The following SEC14L1 variants were observed in gnomAD, a reference collection of about 807,000 sequenced individuals.
The protein encoded by SEC14L1 is SEC14 like lipid binding 1.
SEC14L1 carries 48 observed loss-of-function variants against 85.3 expected under a neutral mutation model. The observed-to-expected ratio is 0.56, with a 90% CI of 0.45 to 0.72. The LOEUF (loss-of-function observed/expected upper bound fraction) is 0.72. Ranked by LOEUF, SEC14L1 falls within the 30% of genes least tolerant of loss-of-function variation. SEC14L1 has a pLI of 0.00. For synonymous variants in SEC14L1, 391 were observed against 355.5 expected (o/e 1.10, Z -1.12); for missense variants, 682 against 921.4 (o/e 0.74, Z 3.36).
chr17:77,194,352 C>T lies in SEC14L1; in HGVS notation c.475-325C>T, dbSNP rs117566120. Among the ~76,000 whole-genome samples, 36 of 152,108 alleles carry T rather than the reference C, an allele frequency of 2.4e-4. No individual in the cohort carries two copies. In the East Asian group the frequency reaches 4.3e-3, roughly 18 times the overall value. On this transcript the variant is annotated intron_variant, in intron 6 of 16. Transcript: ENST00000436233. ...GACAGATTGCTCGAGCCCAAGAGTT[C>T]GAGACCAGCCTGGACAACATTGCGA...
At chr17:77,122,913 A>C (rs1236299960) in intron 3 of SEC14L1, among the ~76,000 whole-genome samples, 1 of 140,680 alleles carries the variant, frequency 7.1e-6, no homozygotes, top group Non-Finnish European at 1.5e-5. Context: ...TGAGAATCAC[A>C]CAGCATCCAG....
intron 3 of SEC14L1, chr17:77,098,913 C>A (rs1361567365): frequency 6.6e-6 from 1 of 152,170 alleles, no homozygotes; most frequent in Non-Finnish European, 1.5e-5. Flanking sequence ...TTGCTAGCAA[C>A]AAGACCACAA....
In SEC14L1 at chr17:77,196,330, C is replaced by A. The variant is rs770641880; in HGVS notation, c.819+19C>A. ...GGGCAAAGTGAGTGTCAGCACCACA[C>A]CCAGTGTGCAGGGCCAGAGCTACGT... On this transcript the variant is annotated intron_variant, in intron 8 of 16. Coordinates refer to ENST00000436233, the MANE Select transcript of SEC14L1 (RefSeq NM_001143998.2). 4.8e-6 allele frequency: 7 copies of A among 1,467,892 alleles called. No individual in the cohort carries two copies. In the South Asian group the frequency reaches 8.0e-5, roughly 17 times the overall value. 90.9% of individuals were successfully genotyped at this position (1,467,892 alleles called of 1,614,324 possible).
intron 3 of SEC14L1, among the ~76,000 whole-genome samples, chr17:77,120,752 C>T (rs193047761): frequency 1.3e-5 from 2 of 152,334 alleles, no homozygotes; most frequent in Admixed American, 6.5e-5. Flanking sequence ...GTTAGGATTA[C>T]AGGCGTGAGC....
Position 77,216,766 on chromosome 17 carries a change from A to C in SEC14L1, c.*2743A>C. 1.1e-6 allele frequency: 1 copy of C among 893,602 alleles called. No individual in the cohort carries two copies. Among genetic ancestry groups the C allele is most frequent in the Non-Finnish European group, 1.7e-6 (1 of 596,370 alleles). The allele number at this position is 893,602 out of a possible 1,614,324, so 55.4% of individuals were successfully genotyped here. ...AAAGCACATGACCGCACAAATGCTT[A>C]CAGGGTTTCCTCCCGAGTAATCCAA... On this transcript the variant is annotated 3_prime_UTR_variant, in exon 17 of 17. Transcript: ENST00000436233.
chr17:77,162,400 T>C (rs1974105879), intron 3 of SEC14L1, among the ~76,000 whole-genome samples: 1 of 152,226 alleles, frequency 6.6e-6, no homozygotes, highest in Non-Finnish European at 1.5e-5. Flanking sequence ...GAAGTTGATA[T>C]TGACTGGTAA....
intron 3 of SEC14L1, among the ~76,000 whole-genome samples, chr17:77,130,930 A>C (rs16969682): frequency 0.14 from 21,796 of 152,102 alleles, 1,944 homozygotes; most frequent in East Asian, 0.41. Context: ...TAAAGGCCTC[A>C]TCAAAAGTTC....
Position 77,214,118 on chromosome 17 carries a change from C to T in SEC14L1, c.*95C>T, listed in dbSNP as rs574320242. Reference sequence around the variant, plus strand: ...CCACCCAGCGGCGACATTGTACAGACTCCTCTCACCTCTAGATAGCAAATA... The same window carrying T: ...CCACCCAGCGGCGACATTGTACAGATTCCTCTCACCTCTAGATAGCAAATA... On this transcript the variant is annotated 3_prime_UTR_variant, in exon 17 of 17. Coordinates refer to ENST00000436233, the MANE Select transcript of SEC14L1 (RefSeq NM_001143998.2). 71 of 1,512,290 alleles carry T rather than the reference C, an allele frequency of 4.7e-5. No homozygotes were observed. In the Middle Eastern group the frequency reaches 7.5e-4, roughly 16 times the overall value. 93.7% of individuals were successfully genotyped at this position (1,512,290 alleles called of 1,614,324 possible).
At chr17:77,123,414 CTTT>C (rs71280842) in intron 3 of SEC14L1, among the ~76,000 whole-genome samples, 5 of 80,510 alleles carry the variant, frequency 6.2e-5, no homozygotes, top group African/African-American at 1.8e-4. Context: ...CAGGCCCACT[CTTT>C]TTTTTTTTTT....
chr17:77,105,496 T>C (rs1205964621), intron 3 of SEC14L1, among the ~76,000 whole-genome samples: 1 of 151,574 alleles, frequency 6.6e-6, no homozygotes, highest in Non-Finnish European at 1.5e-5. Flanking sequence ...TATAGTCCCA[T>C]TCCCCCATGT....
rs1266765147 is a variant in SEC14L1, at chr17:77,213,309, T to C, written c.1864-5T>C. 1 of 1,602,434 alleles carries C rather than the reference T, an allele frequency of 6.2e-7. No individual in the cohort carries two copies. Among genetic ancestry groups the C allele is most frequent in the Admixed American group, 1.7e-5 (1 of 59,358 alleles). ...CCTCAGCTGCCACTGCCCTACTTGT[T>C]CTAGGGTTCCCATGTGACCAGGTGG... On this transcript the variant is annotated splice_polypyrimidine_tract_variant and splice_region_variant and intron_variant, in intron 15 of 16. Transcript: ENST00000436233. This position sits in a 1 kb window ranked among gnomAD's most constrained non-coding sequence, Gnocchi z 7.1.
At chr17:77,104,529 C>T (rs143701222) in intron 3 of SEC14L1, among the ~76,000 whole-genome samples, 2,330 of 148,834 alleles carry the variant, frequency 0.016, 50 homozygotes, top group South Asian at 0.046. Context: ...TGGTGGCTCA[C>T]GCCTATAATC....
chr17:77,091,459 A>C (rs1971514974), intron 2 of SEC14L1, among the ~76,000 whole-genome samples: 1 of 152,218 alleles, frequency 6.6e-6, no homozygotes, highest in East Asian at 1.9e-4. Flanking sequence ...TGTGCAGAAC[A>C]TAGATGATGT....
chr17:77,172,884 C>T (rs1301782971), intron 3 of SEC14L1, among the ~76,000 whole-genome samples: 1 of 152,164 alleles, frequency 6.6e-6, no homozygotes, highest in Non-Finnish European at 1.5e-5. Flanking sequence ...CAGTAGGCTG[C>T]GTTGTTACTA....
chr17:77,212,247 G>A (rs775904722), intron 15 of SEC14L1, 46 bp downstream of exon 15: 3 of 1,601,380 alleles, frequency 1.9e-6, no homozygotes, highest in East Asian at 2.2e-5. Flanking sequence ...ACTCCACACG[G>A]CCAGGTGATT....
intron 3 of SEC14L1, among the ~76,000 whole-genome samples, chr17:77,184,685 A>G (rs1975188834): frequency 6.6e-6 from 1 of 152,258 alleles, no homozygotes; most frequent in South Asian, 2.1e-4. Flanking sequence ...AACCGCACGG[A>G]TTCCTTTGTA....
At chr17:77,136,783 C>G (rs1198639333), upstream of SEC14L1, among the ~76,000 whole-genome samples, 2 of 152,010 alleles carry the variant, frequency 1.3e-5, no homozygotes, top group Non-Finnish European at 2.9e-5. Flanking sequence ...GGCAAAGTAG[C>G]AACACAGAAG....
intron 3 of SEC14L1, among the ~76,000 whole-genome samples, chr17:77,108,565 T>C (rs1413546338): frequency 6.6e-6 from 1 of 151,926 alleles, no homozygotes; most frequent in Non-Finnish European, 1.5e-5. Flanking sequence ...GGCGAAACCC[T>C]GTCTCTACTA....
rs571497180 is a variant in SEC14L1, at chr17:77,089,359, G to C, written c.-240+88G>C. ...TTGAGCCTGCCAAGTTGTGGGTGCA[G>C]CATGGTACCAGGCAGCCCAACCCTG... On this transcript the variant is annotated intron_variant, in intron 2 of 19. Transcript: ENST00000392476. 19 of 518,392 alleles carry C rather than the reference G, an allele frequency of 3.7e-5. No individual in the cohort carries two copies. In the East Asian group the frequency reaches 7.6e-4, roughly 21 times the overall value. The allele number at this position is 518,392 out of a possible 1,614,324, so 32.1% of individuals were successfully genotyped here.
Sources: allele counts gnomAD v4.1 joint callset (sites outside exome capture counted in the v4.1 genomes callset), GRCh38; gene constraint gnomAD v4.1.1; non-coding constraint Gnocchi (gnomAD v3.1); transcripts MANE v1.5; gene names NCBI Gene and HGNC (gene_info 2026-07-23, HGNC 2026-07-21).